CTNND2: variants seen among roughly 807,000 people sequenced by gnomAD.
CTNND2 encodes the protein catenin delta-2.
In CTNND2, 22 loss-of-function variants were observed where a neutral mutation model predicts 144.4. The ratio of observed to expected loss-of-function variants is 0.15; its 90% confidence interval spans 0.11 to 0.22. The LOEUF (loss-of-function observed/expected upper bound fraction) is 0.22, where lower values mean the gene tolerates loss of function less well. Among genes scored for constraint, CTNND2 ranks in the 10% least tolerant of loss-of-function variants. The pLI is 1.00. For synonymous variants in CTNND2, 751 were observed against 695.6 expected, an observed-to-expected ratio of 1.08 and a Z score of -1.25; for missense variants, 1,353 against 1,618.8, an observed-to-expected ratio of 0.84 and a Z score of 2.82.
intron 1 of CTNND2, among the ~76,000 whole-genome samples, chr5:11,835,675 G>A (rs570408750): frequency 1.3e-5 from 2 of 152,256 alleles, no homozygotes; most frequent in South Asian, 4.1e-4. Flanking sequence ...TTTGTTGCTA[G>A]TGTCGGTAAT....
At chr5:11,229,431 G>A (rs1008676096) in intron 10 of CTNND2, among the ~76,000 whole-genome samples, 1 of 152,106 alleles carries the variant, frequency 6.6e-6, no homozygotes, top group Non-Finnish European at 1.5e-5. Flanking sequence ...TTAAGGCTGA[G>A]GACCACTTGT....
chr5:11,662,258 T>TAG, intron 2 of CTNND2, among the ~76,000 whole-genome samples: 1 of 134,734 alleles, frequency 7.4e-6, no homozygotes, highest in Non-Finnish European at 1.5e-5. Flanking sequence ...TATGTGTGTA[T>TAG]ATATGTGTGT....
intron 1 of CTNND2, among the ~76,000 whole-genome samples, chr5:11,887,799 T>A (rs1169573483): frequency 1.3e-5 from 2 of 152,182 alleles, no homozygotes. Context: ...CAGACTTTCC[T>A]TGTTTTTGAT....
chr5:11,236,330 T>C (rs989165495), intron 10 of CTNND2, among the ~76,000 whole-genome samples: 1 of 152,198 alleles, frequency 6.6e-6, no homozygotes, highest in African/African-American at 2.4e-5. Flanking sequence ...AATTTGGAGA[T>C]AACAATTGAT....
chr5:11,338,512 G>A (rs1236681875), intron 9 of CTNND2, among the ~76,000 whole-genome samples: 2 of 152,282 alleles, frequency 1.3e-5, no homozygotes, highest in African/African-American at 4.8e-5. Flanking sequence ...AGCACAAAAC[G>A]GATTTCCACC....
At position 10,972,743 on chromosome 5, in the gene CTNND2, C is replaced by T. The variant is rs986052710; in HGVS notation, c.*710G>A. On this transcript the variant is annotated 3_prime_UTR_variant, in exon 22 of 22. Coordinates refer to ENST00000304623, the MANE Select transcript of CTNND2 (RefSeq NM_001332.4). ...TCACAAACAAATTCACATATCAGAA[C>T]GAACAATACTGCTAAATATTCCTTT... The T allele has an allele frequency of 3.3e-5, 5 of 150,864 alleles. No homozygotes were observed. The highest frequency in any genetic ancestry group is 4.4e-5 in the Non-Finnish European group (3 of 67,860). 9.3% of individuals were successfully genotyped at this position (150,864 alleles called of 1,614,324 possible).
intron 1 of CTNND2, among the ~76,000 whole-genome samples, chr5:11,775,580 G>A (rs565267288): frequency 6.6e-6 from 1 of 152,264 alleles, no homozygotes; most frequent in African/African-American, 2.4e-5. Flanking sequence ...ATCAAAGTGT[G>A]CAATATCACA....
At chr5:11,619,287 G>T (rs1581617572) in intron 2 of CTNND2, among the ~76,000 whole-genome samples, 1 of 152,128 alleles carries the variant, frequency 6.6e-6, no homozygotes, top group Admixed American at 6.5e-5. Flanking sequence ...GCATGCCTGT[G>T]ATCCCAGCTA....
At chr5:11,827,169 G>A (rs1352968944) in intron 1 of CTNND2, among the ~76,000 whole-genome samples, 5 of 152,046 alleles carry the variant, frequency 3.3e-5, no homozygotes, top group South Asian at 2.1e-4. Context: ...TACAACATGC[G>A]GACATCTGAA....
At chr5:11,170,046 T>C (rs1759746085) in intron 11 of CTNND2, among the ~76,000 whole-genome samples, 1 of 152,226 alleles carries the variant, frequency 6.6e-6, no homozygotes, top group South Asian at 2.1e-4. Context: ...TATTAACTTG[T>C]GTAAACCTTC....
chr5:11,139,801 A>G (rs1199361890), intron 12 of CTNND2, among the ~76,000 whole-genome samples: 2 of 152,254 alleles, frequency 1.3e-5, no homozygotes, highest in Non-Finnish European at 2.9e-5. Context: ...GGAGAACAGA[A>G]GTCAGCAATG....
At chr5:11,249,925 T>C (rs1246984612) in intron 9 of CTNND2, among the ~76,000 whole-genome samples, 2 of 152,144 alleles carry the variant, frequency 1.3e-5, no homozygotes, top group Non-Finnish European at 2.9e-5. Context: ...AAAGAACATA[T>C]GAATATTTGG....
intron 9 of CTNND2, among the ~76,000 whole-genome samples, chr5:11,327,065 T>C (rs1181251932): frequency 6.6e-6 from 1 of 152,156 alleles, no homozygotes; most frequent in African/African-American, 2.4e-5. Context: ...CCACACAGCA[T>C]GAAGTGCCTA....
intron 3 of CTNND2, among the ~76,000 whole-genome samples, chr5:11,503,906 T>C (rs1770758756): frequency 6.6e-6 from 1 of 152,236 alleles, no homozygotes; most frequent in Non-Finnish European, 1.5e-5. Context: ...ATCTCTGATC[T>C]TGGGAGAATG....
At chr5:11,522,329 T>C (rs1772808241) in intron 3 of CTNND2, among the ~76,000 whole-genome samples, 1 of 152,232 alleles carries the variant, frequency 6.6e-6, no homozygotes, top group Non-Finnish European at 1.5e-5. Context: ...GCCTTGGCTT[T>C]GTAATTTTCA....
intron 17 of CTNND2, among the ~76,000 whole-genome samples, chr5:11,018,480 C>T (rs1024920719): frequency 1.3e-5 from 2 of 152,150 alleles, no homozygotes; most frequent in Admixed American, 6.6e-5. Context: ...CAACCCAAGA[C>T]GGGCCAAAAG....
chr5:11,083,302 C>T (rs538475163), intron 15 of CTNND2, among the ~76,000 whole-genome samples: 4 of 152,316 alleles, frequency 2.6e-5, no homozygotes, highest in Admixed American at 2.0e-4. Flanking sequence ...AGGTGAGTTG[C>T]TGAACGTGCT....
At chr5:11,896,999 C>A (rs1737445005) in intron 1 of CTNND2, among the ~76,000 whole-genome samples, 1 of 152,308 alleles carries the variant, frequency 6.6e-6, no homozygotes, top group Non-Finnish European at 1.5e-5. Context: ...CCTGCATCAA[C>A]CTTCCATGTC....
At chr5:11,502,363 G>A (rs1770612902) in intron 3 of CTNND2, among the ~76,000 whole-genome samples, 1 of 152,170 alleles carries the variant, frequency 6.6e-6, no homozygotes, top group Non-Finnish European at 1.5e-5. Flanking sequence ...AAGGAGTGTA[G>A]TGTGGAAAAC....
Sources: allele counts gnomAD v4.1 joint callset (sites outside exome capture counted in the v4.1 genomes callset), GRCh38; gene constraint gnomAD v4.1.1; transcripts MANE v1.5; gene names NCBI Gene and HGNC (gene_info 2026-07-23, HGNC 2026-07-21).